COL5A2: variants seen among roughly 807,000 people sequenced by gnomAD.
The protein encoded by COL5A2 is collagen type V alpha 2 chain, also known as collagen alpha-2(V) chain.
In COL5A2, 23 loss-of-function variants were observed where a neutral mutation model predicts 208.2. The observed-to-expected ratio is 0.11, with a 90% CI of 0.08 to 0.16. The LOEUF (loss-of-function observed/expected upper bound fraction) is 0.16. Ranked by LOEUF, COL5A2 falls within the 10% of genes least tolerant of loss-of-function variation. The pLI is 1.00. For synonymous variants in COL5A2, 625 were observed against 628.5 expected, an observed-to-expected ratio of 0.99 and a Z score of 0.08; for missense variants, 1,590 against 1,956.4, an observed-to-expected ratio of 0.81 and a Z score of 3.53.
chr2:189,411,404 T>C, the COL5A2 span, among the ~76,000 whole-genome samples: 8 of 152,244 alleles, frequency 5.3e-5, no homozygotes, highest in East Asian at 1.2e-3. Flanking sequence ...TCTCAACAAA[T>C]ATCTTTTAAA....
chr2:189,396,531 G>A, the COL5A2 span, among the ~76,000 whole-genome samples: 5 of 151,670 alleles, frequency 3.3e-5, no homozygotes, highest in African/African-American at 7.3e-5. Context: ...AAAATTAGCC[G>A]GGCGTGGTGG....
rs139167954 is a variant in COL5A2, at chr2:189,211,732, G to C, written c.-42+13416C>G. Among the ~76,000 whole-genome samples the C allele has an allele frequency of 9.3e-4, 141 of 152,220 alleles. 1 individual carries two copies. Among genetic ancestry groups the C allele is most frequent in the African/African-American group, 2.6e-3 (108 of 41,538 alleles). ...AAAGATTAAAAATGAAAATACTCAGGGGGGAGGGAGCCTGTGAAGATGACA... is the reference window on the plus strand; with the variant it reads ...AAAGATTAAAAATGAAAATACTCAGCGGGGAGGGAGCCTGTGAAGATGACA... On this transcript the variant is annotated intron_variant, in intron 1 of 10. Transcript: ENST00000649966.
the COL5A2 span, among the ~76,000 whole-genome samples, chr2:189,271,623 C>A: frequency 6.6e-6 from 1 of 152,102 alleles, no homozygotes; most frequent in South Asian, 2.1e-4. Flanking sequence ...ACTAAAACAC[C>A]AAAAGCAATG....
chr2:189,100,189 T>C, intron 3 of COL5A2, 50 bp from the exon 4 acceptor site: 1 of 1,476,724 alleles, frequency 6.8e-7, no homozygotes, highest in Non-Finnish European at 9.5e-7. Flanking sequence ...ATATAATGGC[T>C]TGCTGGGCAA....
At chr2:189,322,084 A>G in the COL5A2 span, among the ~76,000 whole-genome samples, 1 of 152,254 alleles carries the variant, frequency 6.6e-6, no homozygotes, top group Non-Finnish European at 1.5e-5. Flanking sequence ...ACTACTGCGT[A>G]CATAACGAAA....
intron 1 of COL5A2, among the ~76,000 whole-genome samples, chr2:189,148,590 T>C (rs749372542): frequency 7.9e-5 from 12 of 152,142 alleles, no homozygotes; most frequent in Non-Finnish European, 1.3e-4. Flanking sequence ...AAGTTAGTAA[T>C]AAACATGAGT....
the COL5A2 span, among the ~76,000 whole-genome samples, chr2:189,415,325 T>C: frequency 4.6e-5 from 7 of 152,192 alleles, no homozygotes; most frequent in African/African-American, 1.7e-4. Context: ...CAATTATTTA[T>C]AATTTTGAAT....
At position 189,068,896 on chromosome 2, in the gene COL5A2, C is replaced by G; in HGVS notation, c.1159-12G>C. On this transcript the variant is annotated splice_polypyrimidine_tract_variant and intron_variant, in intron 18 of 53. Coordinates refer to ENST00000374866, the MANE Select transcript of COL5A2 (RefSeq NM_000393.5). The stretch of plus-strand genomic sequence containing the variant: ...GGACCTGCTTCTCCCTAAAAGGGTG[C>G]AAAGGGAAATGTTAATTTAAGAAAA... The G allele has an allele frequency of 8.3e-6, 13 of 1,563,766 alleles. No homozygotes were observed. The highest frequency in any genetic ancestry group is 1.1e-5 in the Non-Finnish European group (12 of 1,134,860).
intron 7 of COL5A2, among the ~76,000 whole-genome samples, chr2:189,089,306 T>C (rs915971820): frequency 6.6e-6 from 1 of 152,204 alleles, no homozygotes; most frequent in African/African-American, 2.4e-5. Context: ...TCCCTGAATG[T>C]TCCAAGTTTG....
At position 189,068,230 on chromosome 2, in the gene COL5A2, G is replaced by A. The variant is rs1192474619; in HGVS notation, c.1298C>T (p.Pro433Leu). 4 of 1,613,600 alleles carry A rather than the reference G, an allele frequency of 2.5e-6. No homozygotes were observed. The African/African-American group carries it at 4.0e-5, about 16-fold the overall frequency. ...GTDGTPGAKG[P>L]TGSPGTSGPP... ...TGCCATAAATGCAGTACTCACCGTT[G>A]GGCCTTTGGCACCAGGAGTACCATC... The change falls in exon 20 of 54, where the codon CCA becomes CTA. Residue 433 changes from proline to leucine, a missense_variant. Pro to Leu is a moderately conservative substitution (Grantham distance 98). Transcript: ENST00000374866.
chr2:189,376,127 A>G, the COL5A2 span, among the ~76,000 whole-genome samples: 15 of 152,336 alleles, frequency 9.8e-5, no homozygotes, highest in East Asian at 2.5e-3. Flanking sequence ...CTTGTGCATT[A>G]AATTTTAAAA....
At chr2:189,299,790 G>C in the COL5A2 span, among the ~76,000 whole-genome samples, 1 of 152,010 alleles carries the variant, frequency 6.6e-6, no homozygotes, top group African/African-American at 2.4e-5. Context: ...TTAAGTACTG[G>C]ATTTAAGCAA....
the COL5A2 span, among the ~76,000 whole-genome samples, chr2:189,288,270 T>C: frequency 6.6e-6 from 1 of 152,230 alleles, no homozygotes; most frequent in African/African-American, 2.4e-5. Context: ...GTCTTTGTCT[T>C]TCTCCTGCAC....
intron 1 of COL5A2, among the ~76,000 whole-genome samples, chr2:189,176,899 T>C (rs1386241871): frequency 1.3e-5 from 2 of 152,202 alleles, no homozygotes; most frequent in East Asian, 3.8e-4. Context: ...CAGTTTCTTA[T>C]AAATTTAGAA....
At chr2:189,104,183 C>A (rs1252367964) in intron 3 of COL5A2, 81 bp downstream of exon 3, 5 of 1,031,400 alleles carry the variant, frequency 4.8e-6, no homozygotes, top group African/African-American at 3.1e-5. Context: ...AGCTTTCAAA[C>A]GTTTCAGAGC....
chr2:189,111,873 T>C (rs113289892), intron 1 of COL5A2, among the ~76,000 whole-genome samples: 1 of 152,090 alleles, frequency 6.6e-6, no homozygotes, highest in Admixed American at 6.5e-5. Context: ...CTTTTTTTTT[T>C]TTCTTTTTTA....
At chr2:189,342,640 AACACACACACACAC>A in the COL5A2 span, among the ~76,000 whole-genome samples, 24 of 143,688 alleles carry the variant, frequency 1.7e-4, no homozygotes, top group African/African-American at 3.1e-4. Context: ...AGAGAGCTAA[AACACACACACACAC>A]ACACACACAC....
chr2:189,356,929 TC>T, the COL5A2 span, among the ~76,000 whole-genome samples: 1 of 152,218 alleles, frequency 6.6e-6, no homozygotes, highest in Non-Finnish European at 1.5e-5. Context: ...TGAGTGGATG[TC>T]CTTTTTGTTG....
At chr2:189,176,626 A>G (rs1169864145) in intron 1 of COL5A2, among the ~76,000 whole-genome samples, 1 of 152,158 alleles carries the variant, frequency 6.6e-6, no homozygotes, top group Non-Finnish European at 1.5e-5. Flanking sequence ...AATACACTGT[A>G]AATGCTCTAG....
Sources: gnomAD v4.1 joint callset for allele counts (sites outside exome capture counted in the v4.1 genomes callset) on GRCh38, gnomAD v4.1.1 for gene constraint, MANE v1.5 for transcripts, NCBI Gene and HGNC (gene_info 2026-07-23, HGNC 2026-07-21) for gene names.